Variants in ACYP2 observed in about 807,000 individuals in gnomAD.
ACYP2 encodes acylphosphatase-2.
A neutral mutation model predicts 11.2 loss-of-function variants in ACYP2; 12 were observed. The ratio of observed to expected loss-of-function variants is 1.08; its 90% CI spans 0.69 to 1.74. ACYP2 has a LOEUF of 1.74. Ranked by LOEUF, ACYP2 falls within the 40% of genes most tolerant of loss-of-function variation. The probability of loss-of-function intolerance (pLI) is 0.00; values close to 1 mark genes in which losing one functional copy is unlikely to be tolerated. For missense variants in ACYP2, 134 were observed against 101.9 expected, an observed-to-expected ratio of 1.31 and a Z score of -1.35; for synonymous variants, 43 against 32.2, an observed-to-expected ratio of 1.33 and a Z score of -1.13.
intron 6 of ACYP2, among the ~76,000 whole-genome samples, chr2:54,146,513 G>C (rs926041989): frequency 1.3e-5 from 2 of 151,406 alleles, no homozygotes; most frequent in Admixed American, 1.3e-4. Context: ...GGCCTCAAGT[G>C]ATCCGCCTGC....
intron 6 of ACYP2, among the ~76,000 whole-genome samples, chr2:54,298,079 G>A (rs988271733): frequency 2.6e-5 from 4 of 152,160 alleles, no homozygotes; most frequent in Non-Finnish European, 4.4e-5. Context: ...AATTAGAATA[G>A]TTTGGTACTG....
rs572184841 is a variant in ACYP2, at chr2:54,226,683, C to A, written c.405-78005C>A. Among the ~76,000 whole-genome samples, 5 of 152,268 alleles carry A rather than the reference C, an allele frequency of 3.3e-5. No homozygotes were observed. The South Asian group carries it at 1.0e-3, about 32-fold the overall frequency. On this transcript the variant is annotated intron_variant, in intron 6 of 6. Transcript: ENST00000607452. ...TGGGAATGGAACATGTAGTCTTTTCCAATTTGATGTTCTTGTCCCAGGTTT... is the reference window on the plus strand; with the variant it reads ...TGGGAATGGAACATGTAGTCTTTTCAAATTTGATGTTCTTGTCCCAGGTTT...
At chr2:53,988,938 G>A (rs995034047) in intron 2 of ACYP2, among the ~76,000 whole-genome samples, 2 of 151,202 alleles carry the variant, frequency 1.3e-5, no homozygotes, top group African/African-American at 4.9e-5. Flanking sequence ...TAGTAGAGAC[G>A]GGTTTTTGCC....
chr2:54,211,083 G>A (rs1366679427), intron 6 of ACYP2, among the ~76,000 whole-genome samples: 1 of 152,142 alleles, frequency 6.6e-6, no homozygotes, highest in Non-Finnish European at 1.5e-5. Context: ...ACAAACGACT[G>A]CACAAAGATC....
At chr2:54,047,583 A>G (rs1046180556) in intron 2 of ACYP2, among the ~76,000 whole-genome samples, 2 of 152,228 alleles carry the variant, frequency 1.3e-5, no homozygotes, top group African/African-American at 4.8e-5. Flanking sequence ...GTATTGTATT[A>G]GAATATGGTT....
In ACYP2 at chr2:54,220,999, G is replaced by C. The variant is rs149629632; in HGVS notation, c.404+82251G>C. 5.3e-5 allele frequency among the ~76,000 whole-genome samples: 8 copies of C among 152,272 alleles called. No individual in the cohort carries two copies. In the East Asian group the frequency reaches 1.2e-3, roughly 22 times the overall value. On this transcript the variant is annotated intron_variant, in intron 6 of 6. Coordinates refer to ENST00000607452, the MANE Select transcript of ACYP2 (RefSeq NM_001320586.2). ...TGGGTTTGGCCATAGGATTTGCTTT[G>C]GTCAGTGGAATGAATGTTAGTGATG... is the stretch of plus-strand genomic sequence containing the variant.
chr2:54,190,350 T>C (rs1172381806), intron 6 of ACYP2, among the ~76,000 whole-genome samples: 2 of 152,172 alleles, frequency 1.3e-5, no homozygotes, highest in Non-Finnish European at 2.9e-5. Flanking sequence ...GTCCCATTTT[T>C]TTCCTGCTCT....
intron 4 of ACYP2, among the ~76,000 whole-genome samples, chr2:54,132,776 G>A (rs868641930): frequency 7.2e-6 from 1 of 139,318 alleles, no homozygotes; most frequent in Non-Finnish European, 1.5e-5. Flanking sequence ...ACTGAGTCTC[G>A]CTCTGTTGCC....
chr2:54,299,133 T>C (rs1042916933), intron 6 of ACYP2, among the ~76,000 whole-genome samples: 5 of 152,188 alleles, frequency 3.3e-5, no homozygotes, highest in Non-Finnish European at 5.9e-5. Context: ...ATCCCTGGAA[T>C]GTTGAGGCCT....
intron 6 of ACYP2, among the ~76,000 whole-genome samples, chr2:54,230,091 C>T (rs1686167305): frequency 6.6e-6 from 1 of 152,158 alleles, no homozygotes; most frequent in South Asian, 2.1e-4. Flanking sequence ...AAATATTTAA[C>T]CCCAAAATAT....
intron 2 of ACYP2, among the ~76,000 whole-genome samples, chr2:53,974,933 A>G (rs1671395339): frequency 6.6e-6 from 1 of 152,166 alleles, no homozygotes; most frequent in Admixed American, 6.5e-5. Context: ...CAAGACACTT[A>G]CATGCTGATG....
chr2:54,019,967 G>A (rs1043924195), intron 2 of ACYP2, among the ~76,000 whole-genome samples: 7 of 151,372 alleles, frequency 4.6e-5, no homozygotes, highest in African/African-American at 1.7e-4. Flanking sequence ...TTTTGAGACG[G>A]AATCTCACTC....
intron 4 of ACYP2, among the ~76,000 whole-genome samples, chr2:54,086,116 G>GT (rs1260421078): frequency 4.0e-5 from 6 of 151,658 alleles, no homozygotes; most frequent in Admixed American, 6.6e-5. Context: ...GCTAATTATT[G>GT]TTTTTTTTAG....
chr2:53,987,204 A>G (rs1290664391), intron 2 of ACYP2, among the ~76,000 whole-genome samples: 2 of 152,236 alleles, frequency 1.3e-5, no homozygotes, highest in African/African-American at 2.4e-5. Flanking sequence ...AGAGGACATG[A>G]AAAGGCCTTC....
At chr2:54,250,306 G>A (rs1032527074) in intron 6 of ACYP2, among the ~76,000 whole-genome samples, 6 of 152,032 alleles carry the variant, frequency 3.9e-5, no homozygotes, top group Non-Finnish European at 7.4e-5. Flanking sequence ...GTGAAACCCT[G>A]TTTCTACTAA....
At chr2:54,022,657 C>T (rs1402322363) in intron 2 of ACYP2, among the ~76,000 whole-genome samples, 7 of 152,194 alleles carry the variant, frequency 4.6e-5, no homozygotes, top group African/African-American at 9.6e-5. Context: ...TGGGATTACC[C>T]GGGCATGAGC....
At chr2:54,036,341 A>T (rs766289555) in intron 2 of ACYP2, among the ~76,000 whole-genome samples, 53 of 152,162 alleles carry the variant, frequency 3.5e-4, no homozygotes, top group Non-Finnish European at 6.3e-4. Flanking sequence ...ATTTCTGCCC[A>T]CCTTGGCCTA....
rs114997431 is a variant in ACYP2 at position 54,154,277 on chromosome 2, C to G, written c.404+15529C>G. 7.2e-3 allele frequency among the ~76,000 whole-genome samples: 1,091 copies of G among 152,260 alleles called. 13 individuals carry two copies. Among genetic ancestry groups the G allele is most frequent in the African/African-American group, 0.025 (1,033 of 41,558 alleles). On this transcript the variant is annotated intron_variant, in intron 6 of 6. Transcript: ENST00000607452. ...TCCTTTCCTATTTGAATGCCTTTTA[C>G]TTCTTTCTCTTACATAATTGCTCCA...
chr2:54,101,898 T>C (rs1455680981), intron 4 of ACYP2, among the ~76,000 whole-genome samples: 1 of 152,230 alleles, frequency 6.6e-6, no homozygotes, highest in Non-Finnish European at 1.5e-5. Context: ...GTGATACATT[T>C]GTAGTTACAA....
Sources: allele counts gnomAD v4.1 joint callset (sites outside exome capture counted in the v4.1 genomes callset), GRCh38; gene constraint gnomAD v4.1.1; transcripts MANE v1.5; gene names NCBI Gene and HGNC (gene_info 2026-07-23, HGNC 2026-07-21).